The following UEVLD variants were observed in gnomAD, a reference collection of about 807,000 sequenced individuals.
UEVLD encodes the protein ubiquitin-conjugating enzyme E2 variant 3.
UEVLD carries 47 observed loss-of-function variants against 58.6 expected under a neutral mutation model. The ratio of observed to expected loss-of-function variants is 0.80; its 90% CI spans 0.63 to 1.02. The LOEUF (loss-of-function observed/expected upper bound fraction) is 1.02, where lower values mean the gene tolerates loss of function less well. Among genes scored for constraint, UEVLD ranks in the 50% least tolerant of loss-of-function variants. UEVLD has a pLI of 0.00. For missense variants in UEVLD, 510 were observed against 550.6 expected, an observed-to-expected ratio of 0.93 and a Z score of 0.74; for synonymous variants, 197 against 195.3, an observed-to-expected ratio of 1.01 and a Z score of -0.07.
chr11:18,545,773 G>T (rs1851282099), intron 8 of UEVLD, among the ~76,000 whole-genome samples: 1 of 152,152 alleles, frequency 6.6e-6, no homozygotes, highest in African/African-American at 2.4e-5. Flanking sequence ...TAAATTGTCA[G>T]GGGTAGAAAA....
chr11:18,564,761 AC>A (rs1308830154), intron 6 of UEVLD, 130 bp downstream of exon 6: 1 of 595,558 alleles, frequency 1.7e-6, no homozygotes, highest in African/African-American at 1.9e-5. Flanking sequence ...TTGTCAACTT[AC>A]TAAATATATT....
chr11:18,533,815 T>C (rs909512830), intron 11 of UEVLD, among the ~76,000 whole-genome samples: 3 of 152,154 alleles, frequency 2.0e-5, no homozygotes, highest in Non-Finnish European at 4.4e-5. Flanking sequence ...CCACTATGTC[T>C]GGCTAATTTT....
At chr11:18,553,693 C>T (rs1851630858) in intron 7 of UEVLD, among the ~76,000 whole-genome samples, 1 of 152,198 alleles carries the variant, frequency 6.6e-6, no homozygotes, top group African/African-American at 2.4e-5. Flanking sequence ...GAATGATGCA[C>T]TGACACGTGC....
At chr11:18,583,657 CTTTTTTT>C (rs35384688) in intron 1 of UEVLD, among the ~76,000 whole-genome samples, 4 of 117,286 alleles carry the variant, frequency 3.4e-5, no homozygotes, top group Non-Finnish European at 5.1e-5. Flanking sequence ...TCCAGTATTA[CTTTTTTT>C]TTTTTTTTTT....
At chr11:18,547,994 C>G (rs933209248) in intron 7 of UEVLD, among the ~76,000 whole-genome samples, 1 of 152,122 alleles carries the variant, frequency 6.6e-6, no homozygotes, top group African/African-American at 2.4e-5. Flanking sequence ...GGCTCAAGTA[C>G]TCCTCCTGCT....
chr11:18,581,447 G>A (rs1401972505), intron 1 of UEVLD, among the ~76,000 whole-genome samples: 1 of 152,136 alleles, frequency 6.6e-6, no homozygotes, highest in Non-Finnish European at 1.5e-5. Context: ...ACATTGGGAG[G>A]CCAAGGCAGG....
intron 8 of UEVLD, 61 bp from the exon 9 acceptor site, chr11:18,544,857 C>G: frequency 3.9e-6 from 5 of 1,269,290 alleles, no homozygotes; most frequent in Non-Finnish European, 5.2e-6. Context: ...TCTAGCCTAG[C>G]TCACAAATAT....
At chr11:18,568,010 T>C (rs942780005) in intron 4 of UEVLD, among the ~76,000 whole-genome samples, 1 of 152,050 alleles carries the variant, frequency 6.6e-6, no homozygotes, top group Non-Finnish European at 1.5e-5. Flanking sequence ...TAGTGGATGG[T>C]AGACCATGCT....
intron 7 of UEVLD, among the ~76,000 whole-genome samples, chr11:18,551,810 T>TG (rs1202647406): frequency 1.3e-5 from 2 of 152,194 alleles, no homozygotes; most frequent in Non-Finnish European, 2.9e-5. Flanking sequence ...AACCAAAGGC[T>TG]GGTCACAGTT....
intron 7 of UEVLD, among the ~76,000 whole-genome samples, chr11:18,548,206 G>T (rs544728073): frequency 6.6e-6 from 1 of 152,140 alleles, no homozygotes; most frequent in Non-Finnish European, 1.5e-5. Flanking sequence ...TCCAGCACAC[G>T]TTATGCTGTT....
intron 6 of UEVLD, 82 bp downstream of exon 6, chr11:18,564,810 G>A (rs1852217099): frequency 4.3e-6 from 4 of 922,078 alleles, no homozygotes; most frequent in South Asian, 1.9e-5. Flanking sequence ...CAAAATGAAG[G>A]CATTTTTTGG....
At chr11:18,551,397 T>G (rs1851520596) in intron 7 of UEVLD, among the ~76,000 whole-genome samples, 2 of 123,826 alleles carry the variant, frequency 1.6e-5, no homozygotes, top group South Asian at 5.7e-4. Context: ...CACCCCAACC[T>G]GGGCAACCGA....
At chr11:18,582,089 T>C (rs761718706) in intron 1 of UEVLD, among the ~76,000 whole-genome samples, 19 of 152,170 alleles carry the variant, frequency 1.2e-4, no homozygotes, top group Non-Finnish European at 2.4e-4. Context: ...AAAGGCTGCA[T>C]TGTTGTCACC....
chr11:18,532,780 TGG>T (rs2133947363), intron 11 of UEVLD, among the ~76,000 whole-genome samples: 1 of 152,156 alleles, frequency 6.6e-6, no homozygotes, highest in Admixed American at 6.5e-5. Context: ...GGTAGGAGGT[TGG>T]GGGCTAAGAA....
At chr11:18,539,611 G>T (rs1040125445) in intron 9 of UEVLD, among the ~76,000 whole-genome samples, 1 of 152,182 alleles carries the variant, frequency 6.6e-6, no homozygotes, top group African/African-American at 2.4e-5. Flanking sequence ...TACATTATTT[G>T]TATGAACTTA....
intron 8 of UEVLD, 60 bp downstream of exon 8, chr11:18,546,820 G>A (rs975734888): frequency 1.9e-6 from 3 of 1,582,382 alleles, no homozygotes; most frequent in Admixed American, 1.9e-5. Context: ...GTTTTTATCA[G>A]TAATGGCAAT....
At chr11:18,581,748 G>T (rs1299967007) in intron 1 of UEVLD, among the ~76,000 whole-genome samples, 1 of 152,026 alleles carries the variant, frequency 6.6e-6, no homozygotes, top group African/African-American at 2.4e-5. Context: ...TTTGCTAGAA[G>T]AGAAGCCTGA....
chr11:18,574,089 G>T (rs1852776400), intron 3 of UEVLD, among the ~76,000 whole-genome samples: 1 of 152,110 alleles, frequency 6.6e-6, no homozygotes, highest in South Asian at 2.1e-4. Flanking sequence ...GCACATAACT[G>T]TATATTAGTG....
At chr11:18,540,327 G>A (rs566720127) in intron 9 of UEVLD, among the ~76,000 whole-genome samples, 1 of 152,204 alleles carries the variant, frequency 6.6e-6, no homozygotes, top group South Asian at 2.1e-4. Context: ...CACATAGTAG[G>A]TACAATAAAA....
Sources: allele counts gnomAD v4.1 joint callset (sites outside exome capture counted in the v4.1 genomes callset), GRCh38; gene constraint gnomAD v4.1.1; transcripts MANE v1.5; gene names NCBI Gene and HGNC (gene_info 2026-07-23, HGNC 2026-07-21).